Variants in MTM1 observed in about 807,000 individuals in gnomAD.
MTM1 encodes the protein myotubularin.
Under a neutral mutation model 52.1 loss-of-function variants are expected in MTM1, and 9 were observed. The ratio of observed to expected loss-of-function variants is 0.17; its 90% CI spans 0.10 to 0.30. The LOEUF (loss-of-function observed/expected upper bound fraction) is 0.30, where lower values mean the gene tolerates loss of function less well. Ranked by LOEUF, MTM1 falls within the 10% of genes least tolerant of loss-of-function variation. The pLI, the probability that MTM1 is intolerant of heterozygous loss-of-function variation, is 1.00. For missense variants in MTM1, 277 were observed against 470.7 expected, an observed-to-expected ratio of 0.59 and a Z score of 3.81; for synonymous variants, 136 against 163.8, an observed-to-expected ratio of 0.83 and a Z score of 1.29.
At chrX:150,658,883 C>T (rs2040172780) in intron 11 of MTM1, among the ~76,000 whole-genome samples, 1 of 112,190 alleles carries the variant, frequency 8.9e-6, no homozygotes, top group Admixed American at 9.5e-5. Flanking sequence ...GATGGAGTTT[C>T]GCCCTTATTG....
chrX:150,566,191 A>C (rs2038260496), upstream of MTM1, among the ~76,000 whole-genome samples: 1 of 111,469 alleles, frequency 9.0e-6, no homozygotes, highest in African/African-American at 3.3e-5. Flanking sequence ...GCTGAAGTGT[A>C]GTGGTGCAAT....
At chrX:150,655,514 A>G (rs2040098128) in intron 10 of MTM1, among the ~76,000 whole-genome samples, 1 of 111,584 alleles carries the variant, frequency 9.0e-6, no homozygotes, top group Non-Finnish European at 1.9e-5. Context: ...TGATGAATGG[A>G]TAAATAACGT....
intron 6 of MTM1, among the ~76,000 whole-genome samples, chrX:150,631,641 C>T (rs1253419369): frequency 6.5e-5 from 5 of 77,459 alleles, no homozygotes; most frequent in Non-Finnish European, 1.1e-4. Flanking sequence ...CCAGCCGGGG[C>T]GACAGAATGA....
intron 6 of MTM1, among the ~76,000 whole-genome samples, chrX:150,625,386 A>G (rs1286835210): frequency 8.9e-6 from 1 of 111,753 alleles, no homozygotes; most frequent in South Asian, 3.8e-4. Context: ...ACTTTTGCCC[A>G]AGACTATTAA....
At chrX:150,584,148 G>A (rs887114779) in intron 1 of MTM1, among the ~76,000 whole-genome samples, 1 of 103,950 alleles carries the variant, frequency 9.6e-6, no homozygotes, top group Non-Finnish European at 1.9e-5. Flanking sequence ...TTCCAAAGAT[G>A]CTTATAAAAG....
chrX:150,644,247 C>T (rs1451309832), intron 8 of MTM1, among the ~76,000 whole-genome samples: 1 of 111,130 alleles, frequency 9.0e-6, no homozygotes, highest in African/African-American at 3.3e-5. Context: ...TCTCTTGTCT[C>T]TCTTGATACC....
At chrX:150,574,771 TTTCATCA>T (rs2148398238) in intron 1 of MTM1, among the ~76,000 whole-genome samples, 1 of 112,203 alleles carries the variant, frequency 8.9e-6, no homozygotes, top group South Asian at 3.7e-4. Flanking sequence ...TTGCTGAGGA[TTTCATCA>T]GATTCACTGT....
At chrX:150,581,694 A>C (rs1326520475) in intron 1 of MTM1, among the ~76,000 whole-genome samples, 1 of 111,834 alleles carries the variant, frequency 8.9e-6, no homozygotes, top group Non-Finnish European at 1.9e-5. Context: ...ATCATCTATG[A>C]GAGAATGAGA....
intron 5 of MTM1, 70 bp from the exon 6 acceptor site, chrX:150,618,968 G>A: frequency 1.3e-6 from 1 of 753,361 alleles, no homozygotes. Context: ...TTAATTGAAT[G>A]GAAGATTTCT....
intron 2 of MTM1, among the ~76,000 whole-genome samples, chrX:150,594,084 CGT>C (rs1182801689): frequency 1.8e-5 from 2 of 108,733 alleles, no homozygotes; most frequent in Non-Finnish European, 3.8e-5. Context: ...TTATGTGTTC[CGT>C]GTGTGTGTGT....
intron 11 of MTM1, 121 bp downstream of exon 11, chrX:150,658,148 G>A (rs1011174633): frequency 2.8e-5 from 17 of 613,399 alleles, no homozygotes; most frequent in Non-Finnish European, 3.4e-5. Context: ...AAAACTTTAC[G>A]CGTTTGAAAA....
chrX:150,604,311 C>T (rs1426957473), intron 4 of MTM1, among the ~76,000 whole-genome samples: 1 of 111,649 alleles, frequency 9.0e-6, no homozygotes. Context: ...TTTACCCAGC[C>T]TTTTTCCATT....
Position 150,671,782 on chromosome X carries a change from A to G in MTM1, c.*187A>G. ...AGAAAACTACAGGGTCCACACGGCA[A>G]TCAGAAGAAAGGAGCTGAGATGAGG... On this transcript the variant is annotated 3_prime_UTR_variant, in exon 15 of 15. Transcript: ENST00000370396. 6.0e-6 allele frequency: 3 copies of G among 499,768 alleles called. No individual in the cohort carries two copies. The highest frequency in any genetic ancestry group is 9.8e-6 in the Non-Finnish European group (3 of 307,165). 41.2% of individuals were successfully genotyped at this position (499,768 alleles called of 1,213,427 possible). A position where few individuals can be genotyped will look rare whatever the true frequency, so the allele number is the denominator to read the frequency against.
intron 1 of MTM1, among the ~76,000 whole-genome samples, chrX:150,583,133 A>G (rs1165866962): frequency 2.5e-5 from 2 of 81,298 alleles, no homozygotes; most frequent in Admixed American, 1.8e-4. Context: ...ATTATATATT[A>G]TATAAATTAT....
intron 1 of MTM1, among the ~76,000 whole-genome samples, chrX:150,572,803 T>G (rs1363167890): frequency 2.7e-5 from 3 of 112,705 alleles, no homozygotes; most frequent in African/African-American, 9.7e-5. Flanking sequence ...ACCATCCTCC[T>G]TGCTGGAACA....
chrX:150,633,430 T>C (rs1557413627), intron 6 of MTM1, among the ~76,000 whole-genome samples: 1 of 112,329 alleles, frequency 8.9e-6, no homozygotes, highest in East Asian at 2.8e-4. Flanking sequence ...GTGTGAAATA[T>C]ACAGAAAGCA....
At chrX:150,640,974 A>G (rs1283735640) in intron 7 of MTM1, among the ~76,000 whole-genome samples, 1 of 111,892 alleles carries the variant, frequency 8.9e-6, no homozygotes, top group Non-Finnish European at 1.9e-5. Context: ...TGTGTGGTAC[A>G]GGTAGTAAAG....
intron 6 of MTM1, among the ~76,000 whole-genome samples, chrX:150,634,520 A>G (rs1236720725): frequency 8.9e-6 from 1 of 112,105 alleles, no homozygotes; most frequent in Non-Finnish European, 1.9e-5. Context: ...GTGAAATCAG[A>G]GAGTTTCATC....
upstream of MTM1, among the ~76,000 whole-genome samples, chrX:150,564,029 GA>G (rs1304206776): frequency 8.9e-6 from 1 of 111,936 alleles, no homozygotes; most frequent in Non-Finnish European, 1.9e-5. Flanking sequence ...TCAAGACACA[GA>G]ACATTTCTAT....
Sources: allele counts gnomAD v4.1 joint callset (sites outside exome capture counted in the v4.1 genomes callset), GRCh38; gene constraint gnomAD v4.1.1; transcripts MANE v1.5; gene names NCBI Gene and HGNC (gene_info 2026-07-23, HGNC 2026-07-21).